ACAT1: variants seen among roughly 807,000 people sequenced by gnomAD.
ACAT1 encodes the protein acetyl-CoA acetyltransferase 1, also known as acetyl-CoA acetyltransferase, mitochondrial.
In ACAT1, 28 loss-of-function variants were observed where a neutral mutation model predicts 47.3. The ratio of observed to expected loss-of-function variants is 0.59; its 90% CI spans 0.44 to 0.81. The LOEUF (loss-of-function observed/expected upper bound fraction) is 0.81. Ranked by LOEUF, ACAT1 falls within the 30% of genes least tolerant of loss-of-function variation. The pLI, the probability that ACAT1 is intolerant of heterozygous loss-of-function variation, is 0.00. For synonymous variants in ACAT1, 181 were observed against 173.6 expected (o/e 1.04, Z -0.34); for missense variants, 469 against 524.3 (o/e 0.89, Z 1.03).
intron 5 of ACAT1, among the ~76,000 whole-genome samples, chr11:108,138,221 G>A (rs1035629793): frequency 7.2e-5 from 11 of 151,796 alleles, no homozygotes; most frequent in East Asian, 5.9e-4. Context: ...TCCTGACCTC[G>A]TGATCAGCCC....
intron 1 of ACAT1, among the ~76,000 whole-genome samples, chr11:108,122,145 A>G (rs1372063085): frequency 6.6e-6 from 1 of 152,258 alleles, no homozygotes; most frequent in African/African-American, 2.4e-5. Flanking sequence ...AGAGGGCACC[A>G]TGTGATCATA....
chr11:108,146,615 C>T (rs1470604623), intron 11 of ACAT1, among the ~76,000 whole-genome samples: 2 of 151,916 alleles, frequency 1.3e-5, no homozygotes, highest in Non-Finnish European at 2.9e-5. Context: ...TTTCTCCTTC[C>T]TATTTATTTC....
chr11:108,139,255 C>A (rs536271468), intron 6 of ACAT1: 41 of 578,130 alleles, frequency 7.1e-5, no homozygotes, highest in Non-Finnish European at 1.1e-4. Flanking sequence ...TAATTTCTGA[C>A]GCTTAGCTGG....
At chr11:108,142,286 G>A (rs935335422) in intron 8 of ACAT1, 151 bp from the exon 9 acceptor site, 10 of 699,824 alleles carry the variant, frequency 1.4e-5, no homozygotes, top group Middle Eastern at 4.8e-4. Flanking sequence ...AGTTAGCTGT[G>A]TACATGTTTC....
chr11:108,117,357 G>T (rs1052226956), upstream of ACAT1, among the ~76,000 whole-genome samples: 3 of 150,990 alleles, frequency 2.0e-5, no homozygotes, highest in Admixed American at 1.3e-4. Context: ...GCCCAGGCTG[G>T]AGTACAGTGG....
At chr11:108,132,231 G>A (rs763013080) in intron 2 of ACAT1, among the ~76,000 whole-genome samples, 4 of 152,002 alleles carry the variant, frequency 2.6e-5, no homozygotes, top group African/African-American at 4.8e-5. Context: ...ACAGGGACTC[G>A]CATTGTATTG....
upstream of ACAT1, among the ~76,000 whole-genome samples, chr11:108,119,202 T>G (rs1014076604): frequency 6.6e-6 from 1 of 152,118 alleles, no homozygotes; most frequent in Admixed American, 6.5e-5. Context: ...AACCAGTCTT[T>G]TTTTTTTTCT....
chr11:108,146,190 A>G lies in ACAT1; in HGVS notation c.1006-12A>G, dbSNP rs1260747428. The G allele has an allele frequency of 1.3e-6, 2 of 1,596,712 alleles. No homozygotes were observed. The highest frequency in any genetic ancestry group is 1.9e-4 in the Middle Eastern group (1 of 5,396). On this transcript the variant is annotated splice_polypyrimidine_tract_variant and intron_variant, in intron 10 of 11. Transcript: ENST00000265838. ...ATTATTTGAACATCATCTGTCTTTTAAAAAATTTAAGGTTCTTAAAGATGT... is the reference window on the plus strand; with the variant it reads ...ATTATTTGAACATCATCTGTCTTTTGAAAAATTTAAGGTTCTTAAAGATGT...
intron 4 of ACAT1, among the ~76,000 whole-genome samples, 157 bp from the exon 5 acceptor site, chr11:108,134,985 T>G (rs1291755194): frequency 7.5e-6 from 1 of 133,400 alleles, no homozygotes; most frequent in Non-Finnish European, 1.6e-5. Flanking sequence ...AATGGCAAAA[T>G]GAAGGTTATT....
chr11:108,133,954 C>T lies in ACAT1; in HGVS notation c.238+17C>T, dbSNP rs199918672. 498 of 1,601,998 alleles carry T rather than the reference C, an allele frequency of 3.1e-4. 3 individuals carry two copies. The African/African-American group carries it at 6.0e-3, about 19-fold the overall frequency. On this transcript the variant is annotated intron_variant, in intron 3 of 11. Transcript: ENST00000265838. Reference sequence around the variant, plus strand: ...AAAAGGCAGGTCAGTAGTTACTTGGCTTTTTGTGTTAAGGGAGCAAAAAGA... The same window carrying T: ...AAAAGGCAGGTCAGTAGTTACTTGGTTTTTTGTGTTAAGGGAGCAAAAAGA...
chr11:108,132,874 A>G (rs1476868885), intron 2 of ACAT1, among the ~76,000 whole-genome samples: 4 of 140,238 alleles, frequency 2.9e-5, no homozygotes, highest in African/African-American at 2.8e-5. Context: ...AAAAAAAAAA[A>G]AAAAAAAGAA....
intron 2 of ACAT1, 124 bp downstream of exon 2, chr11:108,132,078 G>C: frequency 3.5e-6 from 2 of 574,264 alleles, no homozygotes; most frequent in Non-Finnish European, 3.2e-6. Flanking sequence ...GTTAGGAATA[G>C]CTAACTATTC....
At chr11:108,131,354 ATT>A (rs397951009) in intron 1 of ACAT1, among the ~76,000 whole-genome samples, 24 of 62,656 alleles carry the variant, frequency 3.8e-4, no homozygotes, top group East Asian at 2.0e-3. Context: ...AAGACTTGGA[ATT>A]TTTTTTTTTT....
At chr11:108,143,006 A>T (rs1317640594) in intron 9 of ACAT1, 1 of 178,618 alleles carries the variant, frequency 5.6e-6, no homozygotes. Context: ...TTTTCATTAT[A>T]CTTTATATAA....
chr11:108,121,820 G>T, intron 1 of ACAT1, 142 bp downstream of exon 1: 1 of 911,718 alleles, frequency 1.1e-6, no homozygotes, highest in Admixed American at 2.4e-5. Context: ...ACGGGTTCTG[G>T]TCCAAAAACC....
At chr11:108,144,124 T>C (rs1475931087) in intron 10 of ACAT1, 77 bp downstream of exon 10, 1 of 1,511,526 alleles carries the variant, frequency 6.6e-7, no homozygotes, top group South Asian at 1.1e-5. Context: ...GTTTTTAAGA[T>C]TTTAAATGTT....
At chr11:108,121,319 G>GT (rs2077143216), upstream of ACAT1, 2 of 554,900 alleles carry the variant, frequency 3.6e-6, no homozygotes, top group East Asian at 6.2e-5. Flanking sequence ...GCCCCGGCAG[G>GT]TTAGACTTGG....
At position 108,142,824 on chromosome 11, in the gene ACAT1, G is replaced by A. The variant is rs879324064; in HGVS notation, c.940+274G>A. 6 of 415,672 alleles carry A rather than the reference G, an allele frequency of 1.4e-5. No homozygotes were observed. In the East Asian group the frequency reaches 1.5e-4, roughly 10 times the overall value. The allele number at this position is 415,672 out of a possible 1,614,324, so 25.7% of individuals were successfully genotyped here. A position where few individuals can be genotyped will look rare whatever the true frequency, so the allele number is the denominator to read the frequency against. ...TGCACTCCAGCCTGGGTGACAGAGC[G>A]AGACCCTGTCTTAAAAAAAAATAAG... On this transcript the variant is annotated intron_variant, in intron 9 of 11. Transcript: ENST00000265838.
chr11:108,141,116 T>A (rs187939056), intron 7 of ACAT1, among the ~76,000 whole-genome samples: 1 of 152,148 alleles, frequency 6.6e-6, no homozygotes, highest in Admixed American at 6.5e-5. Context: ...TAGTCCCAGC[T>A]ACTAGGGAAT....
Sources: allele counts gnomAD v4.1 joint callset (sites outside exome capture counted in the v4.1 genomes callset), GRCh38; gene constraint gnomAD v4.1.1; transcripts MANE v1.5; gene names NCBI Gene and HGNC (gene_info 2026-07-23, HGNC 2026-07-21).